Variants in CNTNAP5 observed in about 807,000 individuals in gnomAD.
CNTNAP5 encodes the protein contactin associated protein family member 5.
In CNTNAP5, 72 loss-of-function variants were observed where a neutral mutation model predicts 150.2. The observed-to-expected ratio is 0.48, with a 90% CI of 0.40 to 0.58. The LOEUF is 0.58. Among genes scored for constraint, CNTNAP5 ranks in the 20% least tolerant of loss-of-function variants. CNTNAP5 has a pLI of 0.00. For synonymous variants in CNTNAP5, 672 were observed against 619.8 expected (o/e 1.08, Z -1.25); for missense variants, 1,636 against 1,626.2 (o/e 1.01, Z -0.10).
intron 12 of CNTNAP5, among the ~76,000 whole-genome samples, chr2:124,635,253 A>G (rs1306460444): frequency 1.3e-5 from 2 of 152,174 alleles, no homozygotes; most frequent in Non-Finnish European, 2.9e-5. Flanking sequence ...GAGAGGTTGT[A>G]GGGAGAGGCT....
intron 3 of CNTNAP5, among the ~76,000 whole-genome samples, chr2:124,295,203 CTTTTTTT>C (rs71394033): frequency 7.2e-6 from 1 of 137,984 alleles, no homozygotes; most frequent in African/African-American, 2.6e-5. Context: ...AGGTTGATTT[CTTTTTTT>C]TTTTTTTTCT....
intron 11 of CNTNAP5, among the ~76,000 whole-genome samples, chr2:124,575,892 C>T (rs1696272494): frequency 6.6e-6 from 1 of 152,186 alleles, no homozygotes; most frequent in African/African-American, 2.4e-5. Flanking sequence ...TGAAAGATAG[C>T]AAATCAGATA....
At chr2:124,575,750 G>A (rs1290959865) in intron 11 of CNTNAP5, among the ~76,000 whole-genome samples, 5 of 152,268 alleles carry the variant, frequency 3.3e-5, no homozygotes, top group Non-Finnish European at 5.9e-5. Context: ...TTTTTTGAAT[G>A]TGTTCCCAAC....
intron 10 of CNTNAP5, among the ~76,000 whole-genome samples, chr2:124,538,687 GAAGA>G (rs550962302): frequency 3.6e-4 from 55 of 150,998 alleles, no homozygotes; most frequent in South Asian, 4.2e-4. Flanking sequence ...AGGAAGAAAG[GAAGA>G]AAGAAAGAAA....
intron 1 of CNTNAP5, among the ~76,000 whole-genome samples, chr2:124,070,219 T>C (rs574102375): frequency 2.6e-5 from 4 of 150,946 alleles, no homozygotes; most frequent in African/African-American, 9.7e-5. Flanking sequence ...AATTATACCA[T>C]CAGAAAAATA....
chr2:124,423,559 C>T (rs1438722649), intron 4 of CNTNAP5, among the ~76,000 whole-genome samples: 3 of 150,156 alleles, frequency 2.0e-5, no homozygotes, highest in East Asian at 1.9e-4. Flanking sequence ...GGGGTTTCAC[C>T]GTGGTCTCGA....
chr2:124,769,955 G>A (rs1681154895), intron 16 of CNTNAP5, among the ~76,000 whole-genome samples: 1 of 152,132 alleles, frequency 6.6e-6, no homozygotes, highest in South Asian at 2.1e-4. Flanking sequence ...TTGGCTCACA[G>A]TAAGTACTCA....
chr2:124,214,424 T>C (rs1686103887), intron 1 of CNTNAP5, among the ~76,000 whole-genome samples: 2 of 152,208 alleles, frequency 1.3e-5, no homozygotes. Context: ...ACTATTGCAG[T>C]GCAGGGAGTG....
Position 124,410,375 on chromosome 2 carries a change from G to A in CNTNAP5, c.382-7068G>A, listed in dbSNP as rs9798459. Among the ~76,000 whole-genome samples, 539 of 151,622 alleles carry A rather than the reference G, an allele frequency of 3.6e-3. 1 individual carries two copies. Among genetic ancestry groups the A allele is most frequent in the Non-Finnish European group, 5.0e-3 (341 of 67,878 alleles). Reference sequence around the variant, plus strand: ...AATTGAACTCAGCTCTGCACCAAGCGGACCTAATAGACATGTACAGAACTC... The same window carrying A: ...AATTGAACTCAGCTCTGCACCAAGCAGACCTAATAGACATGTACAGAACTC... On this transcript the variant is annotated intron_variant, in intron 3 of 23. Transcript: ENST00000682447.
intron 10 of CNTNAP5, among the ~76,000 whole-genome samples, chr2:124,550,804 T>C (rs1387104144): frequency 6.6e-6 from 1 of 152,206 alleles, no homozygotes; most frequent in Non-Finnish European, 1.5e-5. Context: ...TAGGGGGTTC[T>C]CTTCCTTTGT....
At chr2:124,737,645 T>C (rs1249964569) in intron 13 of CNTNAP5, among the ~76,000 whole-genome samples, 1 of 152,148 alleles carries the variant, frequency 6.6e-6, no homozygotes, top group Non-Finnish European at 1.5e-5. Context: ...CAGAGGTAAA[T>C]CAAGTGATCC....
At chr2:124,026,787 A>T (rs1680902846) in intron 1 of CNTNAP5, among the ~76,000 whole-genome samples, 1 of 152,192 alleles carries the variant, frequency 6.6e-6, no homozygotes, top group South Asian at 2.1e-4. Flanking sequence ...AGTTTTTGTA[A>T]TTTGCACTAT....
At chr2:124,547,725 G>A (rs1003704907) in intron 10 of CNTNAP5, among the ~76,000 whole-genome samples, 3 of 152,200 alleles carry the variant, frequency 2.0e-5, no homozygotes, top group African/African-American at 7.2e-5. Flanking sequence ...TAAAGAGTAA[G>A]GTTCTTTTCT....
At chr2:124,800,236 G>A (rs314723) in intron 19 of CNTNAP5, among the ~76,000 whole-genome samples, 96,761 of 152,014 alleles carry the variant, frequency 0.64, 32,044 homozygotes, top group East Asian at 0.8. Context: ...CAACCAATGC[G>A]AGATTTTTTC....
intron 4 of CNTNAP5, among the ~76,000 whole-genome samples, chr2:124,421,888 T>G (rs1692111347): frequency 6.6e-6 from 1 of 152,202 alleles, no homozygotes; most frequent in South Asian, 2.1e-4. Flanking sequence ...AGCCCATGAT[T>G]ATATGCCCAT....
intron 13 of CNTNAP5, among the ~76,000 whole-genome samples, chr2:124,741,637 A>G (rs1680499623): frequency 6.6e-6 from 1 of 152,212 alleles, no homozygotes; most frequent in Non-Finnish European, 1.5e-5. Flanking sequence ...TATAATATAT[A>G]CATATTCTAC....
At chr2:124,884,160 A>G (rs1023460066) in intron 21 of CNTNAP5, among the ~76,000 whole-genome samples, 1 of 152,042 alleles carries the variant, frequency 6.6e-6, no homozygotes, top group African/African-American at 2.4e-5. Context: ...ATATCTGTAC[A>G]TGCATGTCTG....
At chr2:124,660,043 A>AAAGGAAGGAAGGAAGG (rs60444454) in intron 13 of CNTNAP5, among the ~76,000 whole-genome samples, 3 of 130,838 alleles carry the variant, frequency 2.3e-5, no homozygotes, top group African/African-American at 6.0e-5. Flanking sequence ...AGGAAGGAAG[A>AAAGGAAGGAAGGAAGG]AAGGAAGGAA....
At chr2:124,520,782 T>A (rs1032733033) in intron 8 of CNTNAP5, among the ~76,000 whole-genome samples, 1 of 152,188 alleles carries the variant, frequency 6.6e-6, no homozygotes, top group African/African-American at 2.4e-5. Flanking sequence ...GTTCTCCTCA[T>A]TGGACACGTC....
Sources: gnomAD v4.1 joint callset for allele counts (sites outside exome capture counted in the v4.1 genomes callset) on GRCh38, gnomAD v4.1.1 for gene constraint, MANE v1.5 for transcripts, NCBI Gene and HGNC (gene_info 2026-07-23, HGNC 2026-07-21) for gene names.